KYAT3: variants seen among roughly 807,000 people sequenced by gnomAD.
KYAT3 encodes the protein kynurenine aminotransferase 3, also known as kynurenine--oxoglutarate transaminase 3.
In KYAT3, 50 loss-of-function variants were observed where a neutral mutation model predicts 59.0. The observed-to-expected ratio is 0.85, with a 90% CI of 0.68 to 1.07. KYAT3 has a LOEUF of 1.07. Ranked by LOEUF, KYAT3 falls within the 50% of genes least tolerant of loss-of-function variation. The probability of loss-of-function intolerance (pLI) is 0.00; values close to 1 mark genes in which losing one functional copy is unlikely to be tolerated. For missense variants in KYAT3, 497 were observed against 533.3 expected, an observed-to-expected ratio of 0.93 and a Z score of 0.67; for synonymous variants, 148 against 177.0, an observed-to-expected ratio of 0.84 and a Z score of 1.30.
chr1:88,928,367 C>A, the KYAT3 span, among the ~76,000 whole-genome samples: 1 of 150,514 alleles, frequency 6.6e-6, no homozygotes, highest in Non-Finnish European at 1.5e-5. Flanking sequence ...TCAGGAGGAA[C>A]GGGACAAACG....
intron 7 of KYAT3, 40 bp downstream of exon 7, chr1:88,961,341 A>C: frequency 6.2e-7 from 1 of 1,613,600 alleles, no homozygotes; most frequent in Non-Finnish European, 8.5e-7. Flanking sequence ...TGAGAAAATG[A>C]TAGGTCAGAA....
At chr1:88,949,343 G>T in intron 10 of KYAT3, 66 bp from the exon 11 acceptor site, 1 of 1,154,362 alleles carries the variant, frequency 8.7e-7, no homozygotes, top group Non-Finnish European at 1.2e-6. Context: ...TTAGTTTATT[G>T]GTATAATAAA....
the KYAT3 span, among the ~76,000 whole-genome samples, chr1:88,925,439 T>A: frequency 1.2e-4 from 18 of 152,216 alleles, 1 homozygote; most frequent in Non-Finnish European, 1.5e-4. Context: ...TTTCATTTCC[T>A]CTAGCAAGCT....
At chr1:88,924,029 A>C in the KYAT3 span, among the ~76,000 whole-genome samples, 1 of 152,250 alleles carries the variant, frequency 6.6e-6, no homozygotes, top group South Asian at 2.1e-4. Flanking sequence ...TTGGAGGTAT[A>C]GGTTGTGACC....
Position 88,936,110 on chromosome 1 carries a change from C to A in KYAT3, c.*73G>T. 1.1e-6 allele frequency: 1 copy of A among 927,978 alleles called. No individual in the cohort carries two copies. 57.5% of individuals were successfully genotyped at this position (927,978 alleles called of 1,614,324 possible). A position where few individuals can be genotyped will look rare whatever the true frequency, so the allele number is the denominator to read the frequency against. On this transcript the variant is annotated 3_prime_UTR_variant, in exon 14 of 14. Coordinates refer to ENST00000260508, the MANE Select transcript of KYAT3 (RefSeq NM_001008661.3). ...TTGTACTGAAATACCTTTTAACATC[C>A]AGCAGGTGGCAGCACTAAGTAACAA...
intron 8 of KYAT3, among the ~76,000 whole-genome samples, chr1:88,955,452 T>A (rs376524258): frequency 1.3e-5 from 2 of 152,258 alleles, no homozygotes; most frequent in Admixed American, 6.5e-5. Flanking sequence ...ATAAATAGAT[T>A]TAATAATTTT....
chr1:88,968,106 G>A (rs1038838628), intron 4 of KYAT3, among the ~76,000 whole-genome samples: 2 of 152,116 alleles, frequency 1.3e-5, no homozygotes, highest in African/African-American at 2.4e-5. Context: ...ACAAAAAACA[G>A]GCTTCCTCCT....
At chr1:88,963,508 T>C (rs1224653057) in intron 5 of KYAT3, among the ~76,000 whole-genome samples, 2 of 151,964 alleles carry the variant, frequency 1.3e-5, no homozygotes, top group Admixed American at 6.6e-5. Context: ...GTTATGAGAG[T>C]TTAAAGAAAG....
chr1:88,952,020 C>T (rs1053000274), intron 10 of KYAT3, among the ~76,000 whole-genome samples: 2 of 152,112 alleles, frequency 1.3e-5, no homozygotes, highest in Admixed American at 1.3e-4. Context: ...GACAGACTCT[C>T]CTAGAGCCTT....
At chr1:88,971,860 C>A (rs574876786) in intron 2 of KYAT3, among the ~76,000 whole-genome samples, 2 of 152,138 alleles carry the variant, frequency 1.3e-5, no homozygotes, top group Non-Finnish European at 2.9e-5. Flanking sequence ...TGCAGTACAG[C>A]AAGTCATCAC....
intron 1 of KYAT3, among the ~76,000 whole-genome samples, chr1:88,992,298 C>T (rs1677853538): frequency 6.6e-6 from 1 of 152,248 alleles, no homozygotes; most frequent in African/African-American, 2.4e-5. Context: ...GTCCCAAAGT[C>T]ATTCTTCTCA....
At chr1:88,982,790 C>T in intron 2 of KYAT3, 2 of 1,613,946 alleles carry the variant, frequency 1.2e-6, no homozygotes, top group Non-Finnish European at 8.5e-7. Flanking sequence ...GGGAAGCCCT[C>T]TTTCTTGTCT....
At chr1:88,989,846 C>A (rs1677685772) in intron 1 of KYAT3, among the ~76,000 whole-genome samples, 1 of 152,186 alleles carries the variant, frequency 6.6e-6, no homozygotes, top group African/African-American at 2.4e-5. Flanking sequence ...CAGCACATTA[C>A]CTCCATCATG....
In KYAT3 at chr1:88,961,302, G is replaced by T. The variant is rs1304660659; in HGVS notation, c.667-15C>A. The T allele has an allele frequency of 1.9e-6, 3 of 1,613,420 alleles. No homozygotes were observed. The East Asian group carries it at 6.7e-5, about 36-fold the overall frequency. ...CTGTTATACACCTACACATAATAAA[G>T]GAAAGAGCACAGCCAATTATTCAAC... On this transcript the variant is annotated splice_polypyrimidine_tract_variant and intron_variant, in intron 7 of 13. Coordinates refer to ENST00000260508, the MANE Select transcript of KYAT3 (RefSeq NM_001008661.3).
At chr1:88,969,699 T>C (rs778706495) in intron 2 of KYAT3, among the ~76,000 whole-genome samples, 1 of 151,702 alleles carries the variant, frequency 6.6e-6, no homozygotes, top group African/African-American at 2.4e-5. Flanking sequence ...TGGAATGCAG[T>C]GGTGTGATCA....
Position 88,943,050 on chromosome 1 carries a change from C to T in KYAT3, c.1257G>A (p.Glu419=), listed in dbSNP as rs768055066. 3.1e-6 allele frequency: 5 copies of T among 1,613,072 alleles called. No homozygotes were observed. In the African/African-American group the frequency reaches 6.7e-5, roughly 22 times the overall value. The change falls in exon 13 of 14, where the codon GAG becomes GAA. Residue 419 remains glutamate (E), a synonymous_variant. Coordinates refer to ENST00000260508, the MANE Select transcript of KYAT3 (RefSeq NM_001008661.3). ...AIPVSAFCNS[E]TKSQFEKFVR... Reference sequence around the variant, plus strand: ...CAAACTTCTCAAACTGTGATTTAGTCTCTGAGTTACAGAATGCTGAAACGG... The same window carrying T: ...CAAACTTCTCAAACTGTGATTTAGTTTCTGAGTTACAGAATGCTGAAACGG...
intron 1 of KYAT3, among the ~76,000 whole-genome samples, chr1:88,989,954 C>T (rs1443598217): frequency 6.6e-6 from 1 of 152,206 alleles, no homozygotes; most frequent in Non-Finnish European, 1.5e-5. Context: ...ACCCCCAACA[C>T]TGCAGCATTT....
At chr1:88,923,892 T>A in the KYAT3 span, 1 of 166,000 alleles carries the variant, frequency 6.0e-6, no homozygotes, top group Non-Finnish European at 1.3e-5. Context: ...TTCTACTCAC[T>A]GGAGGAAGGA....
chr1:88,983,804 C>G, intron 2 of KYAT3: 1 of 1,614,000 alleles, frequency 6.2e-7, no homozygotes, highest in Non-Finnish European at 8.5e-7. Context: ...GAAGAGCTTT[C>G]CTGGGCGATC....
Sources: allele counts gnomAD v4.1 joint callset (sites outside exome capture counted in the v4.1 genomes callset), GRCh38; gene constraint gnomAD v4.1.1; transcripts MANE v1.5; gene names NCBI Gene and HGNC (gene_info 2026-07-23, HGNC 2026-07-21).